The following RBFOX2 variants were observed in gnomAD, a reference collection of about 807,000 sequenced individuals.
RBFOX2 encodes RNA binding fox-1 homolog 2.
Under a neutral mutation model 49.1 loss-of-function variants are expected in RBFOX2, and 10 were observed. The observed-to-expected ratio is 0.20, with a 90% CI of 0.13 to 0.35. The LOEUF (loss-of-function observed/expected upper bound fraction) is 0.35. Ranked by LOEUF, RBFOX2 falls within the 10% of genes least tolerant of loss-of-function variation. The pLI is 1.00. For synonymous variants in RBFOX2, 183 were observed against 187.4 expected, an observed-to-expected ratio of 0.98 and a Z score of 0.19; for missense variants, 323 against 486.9, an observed-to-expected ratio of 0.66 and a Z score of 3.17.
At position 35,749,001 on chromosome 22, in the gene RBFOX2, C is replaced by T. The variant is rs1933871404; in HGVS notation, c.888-2440G>A. Among the ~76,000 whole-genome samples, 1 of 152,192 alleles carries T rather than the reference C, an allele frequency of 6.6e-6. No homozygotes were observed. Among genetic ancestry groups the T allele is most frequent in the Admixed American group, 6.5e-5 (1 of 15,272 alleles). On this transcript the variant is annotated intron_variant, in intron 9 of 11. Coordinates refer to ENST00000405409, the Ensembl canonical transcript of RBFOX2. The surrounding 1 kb of genome is among the most constrained non-coding windows in gnomAD (Gnocchi z 4.1). ...AGGTTGCTGACAGAACCAATTTCCC[C>T]TCATTTTCCTAGGCCTACAGGAAGC...
intron 1 of RBFOX2, among the ~76,000 whole-genome samples, chr22:35,905,573 TC>T (rs1025103353): frequency 1.3e-5 from 2 of 152,234 alleles, no homozygotes; most frequent in African/African-American, 4.8e-5. Context: ...GTTAGGATAC[TC>T]AGCCATGAAG....
intron 2 of RBFOX2, among the ~76,000 whole-genome samples, chr22:35,786,969 A>C (rs569503704): frequency 6.6e-6 from 1 of 152,272 alleles, no homozygotes; most frequent in Non-Finnish European, 1.5e-5. Context: ...ATGCAGCAAG[A>C]GTCTCCGGGA....
chr22:35,978,574 A>G (rs1028998977), intron 1 of RBFOX2, among the ~76,000 whole-genome samples: 9 of 152,214 alleles, frequency 5.9e-5, no homozygotes, highest in African/African-American at 2.2e-4. Flanking sequence ...TAAACTTGGA[A>G]AACCTTCTTG....
intron 1 of RBFOX2, among the ~76,000 whole-genome samples, chr22:35,909,460 C>G (rs1196156760): frequency 6.6e-6 from 1 of 151,970 alleles, no homozygotes; most frequent in Non-Finnish European, 1.5e-5. Flanking sequence ...AATATGTAAC[C>G]CTGTTTTAGC....
At position 35,791,313 on chromosome 22, in the gene RBFOX2, A is replaced by C. The variant is rs562172817; in HGVS notation, c.253-9567T>G. Among the ~76,000 whole-genome samples, 12 of 151,700 alleles carry C rather than the reference A, an allele frequency of 7.9e-5. No individual in the cohort carries two copies. In the East Asian group the frequency reaches 2.3e-3, roughly 30 times the overall value. ...GGCAGGAGAATCACTTGAACCCAGG[A>C]GATGGAGGTTGCAGTGAGCCGAGAT... is the stretch of plus-strand genomic sequence containing the variant. On this transcript the variant is annotated intron_variant, in intron 2 of 11. Transcript: ENST00000405409.
At chr22:36,023,088 T>G (rs1336447072) in intron 1 of RBFOX2, among the ~76,000 whole-genome samples, 11 of 152,170 alleles carry the variant, frequency 7.2e-5, no homozygotes, top group Admixed American at 7.2e-4. Context: ...CACAATATTT[T>G]TATAACTCTT....
chr22:35,881,661 A>G (rs1245598095), intron 1 of RBFOX2, among the ~76,000 whole-genome samples: 3 of 151,370 alleles, frequency 2.0e-5, no homozygotes, highest in Non-Finnish European at 2.9e-5. Flanking sequence ...CTTATTTCTT[A>G]ATTATAAGAA....
chr22:35,911,056 A>C (rs552489551), intron 1 of RBFOX2, among the ~76,000 whole-genome samples: 1 of 152,324 alleles, frequency 6.6e-6, no homozygotes, highest in South Asian at 2.1e-4. Context: ...ATAAAACCCT[A>C]TTTATAGACC....
At chr22:35,990,036 A>G (rs1257245008) in intron 1 of RBFOX2, among the ~76,000 whole-genome samples, 2 of 152,140 alleles carry the variant, frequency 1.3e-5, no homozygotes, top group East Asian at 3.9e-4. Flanking sequence ...ACAAAAAATC[A>G]GCTGGGCATG....
intron 1 of RBFOX2, among the ~76,000 whole-genome samples, chr22:35,933,061 C>T (rs1341760823): frequency 6.6e-6 from 1 of 152,076 alleles, no homozygotes; most frequent in Non-Finnish European, 1.5e-5. Flanking sequence ...CTTGTCACAC[C>T]AGCAAAAGAA....
At chr22:35,788,889 C>T (rs1946985506) in intron 2 of RBFOX2, among the ~76,000 whole-genome samples, 1 of 152,186 alleles carries the variant, frequency 6.6e-6, no homozygotes, top group African/African-American at 2.4e-5. Flanking sequence ...GATTCTCACG[C>T]TACACATTTT....
intron 1 of RBFOX2, among the ~76,000 whole-genome samples, chr22:35,897,040 CTA>C (rs2047935273): frequency 6.6e-6 from 1 of 152,192 alleles, no homozygotes; most frequent in African/African-American, 2.4e-5. Flanking sequence ...CTGTAAATAA[CTA>C]TATTAAAATT....
At chr22:35,821,924 A>G (rs1189947157) in intron 1 of RBFOX2, 1 of 518,934 alleles carries the variant, frequency 1.9e-6, no homozygotes, top group East Asian at 5.4e-5. Flanking sequence ...AGGAAACCAT[A>G]AACACCTCTT....
chr22:36,021,182 T>C (rs1201683248), intron 1 of RBFOX2, among the ~76,000 whole-genome samples: 2 of 131,170 alleles, frequency 1.5e-5, no homozygotes, highest in Admixed American at 1.9e-4. Flanking sequence ...CACTCATAGG[T>C]GAGAATTAAA....
chr22:35,750,556 A>G (rs564261923), intron 9 of RBFOX2: 17 of 787,030 alleles, frequency 2.2e-5, no homozygotes, highest in African/African-American at 2.1e-4. Flanking sequence ...TGGAACTCTG[A>G]TAGCTGGATA....
At chr22:36,028,487 G>T in exon 1 of RBFOX2, 4 of 1,112,450 alleles carry the variant, frequency 3.6e-6, no homozygotes, top group Non-Finnish European at 3.3e-6. Context: ...CTCCCCCTGG[G>T]CCTCGGCCCC....
chr22:36,008,747 G>A (rs796268775), intron 1 of RBFOX2, among the ~76,000 whole-genome samples: 1 of 152,128 alleles, frequency 6.6e-6, no homozygotes, highest in African/African-American at 2.4e-5. Context: ...GAACCTGGGA[G>A]GGGGAGGTTG....
intron 1 of RBFOX2, among the ~76,000 whole-genome samples, chr22:35,956,288 A>G (rs1053538480): frequency 6.6e-6 from 1 of 152,174 alleles, no homozygotes; most frequent in African/African-American, 2.4e-5. Context: ...CCAAAACTCT[A>G]GTTTTTGCTT....
chr22:35,902,079 CA>C (rs1056903369), intron 1 of RBFOX2, among the ~76,000 whole-genome samples: 2 of 144,544 alleles, frequency 1.4e-5, no homozygotes, highest in African/African-American at 2.5e-5. Context: ...GACTCTGTCT[CA>C]AAAAAAAAAG....
Sources: allele counts gnomAD v4.1 joint callset (sites outside exome capture counted in the v4.1 genomes callset), GRCh38; gene constraint gnomAD v4.1.1; non-coding constraint Gnocchi (gnomAD v3.1); transcripts MANE v1.5; gene names NCBI Gene and HGNC (gene_info 2026-07-23, HGNC 2026-07-21).